Variants in PHC2 observed in about 807,000 individuals in gnomAD.
PHC2 encodes polyhomeotic-like protein 2.
PHC2 carries 29 observed loss-of-function variants against 87.4 expected under a neutral mutation model. The observed-to-expected ratio is 0.33, with a 90% CI of 0.25 to 0.45. The LOEUF (loss-of-function observed/expected upper bound fraction) is 0.45, where lower values mean the gene tolerates loss of function less well. Among genes scored for constraint, PHC2 ranks in the 20% least tolerant of loss-of-function variants. The probability of loss-of-function intolerance (pLI) is 1.00; values close to 1 mark genes in which losing one functional copy is unlikely to be tolerated. For synonymous variants in PHC2, 438 were observed against 461.7 expected (o/e 0.95, Z 0.66); for missense variants, 857 against 1,136.7 (o/e 0.75, Z 3.54).
intron 1 of PHC2, among the ~76,000 whole-genome samples, chr1:33,406,053 T>C (rs1456048017): frequency 6.6e-6 from 1 of 152,220 alleles, no homozygotes; most frequent in African/African-American, 2.4e-5. Flanking sequence ...CTGGGGCTTT[T>C]TGTCTGCTTT....
At chr1:33,347,346 A>G in intron 9 of PHC2, 3 of 985,450 alleles carry the variant, frequency 3.0e-6, no homozygotes, top group Non-Finnish European at 3.6e-6. Flanking sequence ...TGAGACCCAC[A>G]GCCAGGAGAA....
chr1:33,372,490 A>C (rs1647915448), intron 2 of PHC2, 43 bp from the exon 3 acceptor site: 1 of 1,473,900 alleles, frequency 6.8e-7, no homozygotes, highest in East Asian at 2.5e-5. Flanking sequence ...GGTAGCTGCC[A>C]CACAGAACAC....
chr1:33,346,568 G>A (rs1204783514), intron 9 of PHC2: 2 of 985,184 alleles, frequency 2.0e-6, no homozygotes, highest in East Asian at 2.3e-4. Flanking sequence ...ACTGACTCAA[G>A]AAGAGGGAAA....
chr1:33,357,533 T>C (rs964990534), intron 7 of PHC2, among the ~76,000 whole-genome samples: 3 of 152,224 alleles, frequency 2.0e-5, no homozygotes, highest in African/African-American at 7.2e-5. Flanking sequence ...GTATGGATGA[T>C]ACTGAATGAC....
chr1:33,332,041 A>G lies in PHC2; in HGVS notation c.1891+234T>C, dbSNP rs1232736770. ...GCCAATGATTCCCACAGGAAAAGCC[A>G]TTCTTGGGATCCTGTGGTTGGCTGG... On this transcript the variant is annotated intron_variant, in intron 11 of 14. Transcript: ENST00000683057. The surrounding 1 kb of genome is among the most constrained non-coding windows in gnomAD (Gnocchi z 4.2). 1.3e-5 allele frequency among the ~76,000 whole-genome samples: 2 copies of G among 152,218 alleles called. No homozygotes were observed. Among genetic ancestry groups the G allele is most frequent in the African/African-American group, 4.8e-5 (2 of 41,452 alleles).
At chr1:33,372,709 G>T (rs1439003231) in intron 2 of PHC2, among the ~76,000 whole-genome samples, 2 of 152,206 alleles carry the variant, frequency 1.3e-5, no homozygotes, top group East Asian at 3.8e-4. Flanking sequence ...TGCATCAACT[G>T]CCTCGGTGAG....
intron 9 of PHC2, among the ~76,000 whole-genome samples, chr1:33,337,369 G>T (rs545209249): frequency 1.3e-5 from 2 of 152,294 alleles, no homozygotes; most frequent in East Asian, 3.9e-4. Flanking sequence ...CCCAAAATCT[G>T]TCTTTCTATT....
chr1:33,386,093 G>A (rs920156722), intron 1 of PHC2, among the ~76,000 whole-genome samples: 7 of 151,722 alleles, frequency 4.6e-5, no homozygotes, highest in Admixed American at 1.3e-4. Flanking sequence ...CACTGTGCCC[G>A]GCCCAGAGTA....
chr1:33,353,869 T>G (rs1298484050), intron 9 of PHC2, among the ~76,000 whole-genome samples: 1 of 152,178 alleles, frequency 6.6e-6, no homozygotes, highest in Non-Finnish European at 1.5e-5. Context: ...CAGGGAGAAG[T>G]CCACTTGTAA....
chr1:33,405,768 T>C (rs1016232678), intron 1 of PHC2, among the ~76,000 whole-genome samples: 2 of 152,152 alleles, frequency 1.3e-5, no homozygotes, highest in Non-Finnish European at 2.9e-5. Context: ...GGATTATATA[T>C]GTGTACTGCT....
chr1:33,328,120 G>A (rs1276402847), intron 14 of PHC2, among the ~76,000 whole-genome samples: 1 of 152,166 alleles, frequency 6.6e-6, no homozygotes, highest in African/African-American at 2.4e-5. Flanking sequence ...GAGTGAGACT[G>A]GCAGAAAAAC....
intron 7 of PHC2, among the ~76,000 whole-genome samples, chr1:33,359,605 G>T (rs1647157827): frequency 6.6e-6 from 1 of 152,194 alleles, no homozygotes; most frequent in African/African-American, 2.4e-5. Flanking sequence ...CCCTAGAAGA[G>T]ATTACAGTTT....
In PHC2 at chr1:33,332,929, C is replaced by T. The variant is rs1471236336; in HGVS notation, c.1762-525G>A. Among the ~76,000 whole-genome samples, 1 of 152,194 alleles carries T rather than the reference C, an allele frequency of 6.6e-6. No individual in the cohort carries two copies. Among genetic ancestry groups the T allele is most frequent in the Non-Finnish European group, 1.5e-5 (1 of 68,030 alleles). On this transcript the variant is annotated intron_variant, in intron 10 of 14. Coordinates refer to ENST00000683057, the MANE Select transcript of PHC2 (RefSeq NM_001385109.1). This position sits in a 1 kb window ranked among gnomAD's most constrained non-coding sequence, Gnocchi z 4.2. ...CCCTGGGCCACAGAGCCAATGAACT[C>T]TCAGTTGTCAGAACCCCAGAGCAGC...
rs759415441 is a variant in PHC2 at position 33,354,423 on chromosome 1, G to A, written c.1536C>T (p.Asn512=). 1.4e-5 allele frequency: 22 copies of A among 1,613,600 alleles called. No homozygotes were observed. The African/African-American group carries it at 2.3e-4, about 17-fold the overall frequency. ...TACCGTGAGCTGGGGACGGCTGGAT[G>A]TTAGGGCTCGTGGGTACAGGCAGGC... ...PGGLPVPTSP[N]IQPSPAHETG... is the part of the protein sequence containing the mutation. The change falls in exon 9 of 15, where the codon AAC becomes AAT. Residue 512 remains asparagine, a synonymous_variant. Coordinates refer to ENST00000683057, the MANE Select transcript of PHC2 (RefSeq NM_001385109.1).
intron 9 of PHC2, chr1:33,347,039 T>G (rs1337817331): frequency 1.0e-6 from 1 of 985,270 alleles, no homozygotes. Flanking sequence ...CCTCTCCCCC[T>G]GAAAGATCAG....
intron 1 of PHC2, among the ~76,000 whole-genome samples, chr1:33,384,630 G>A (rs1648651266): frequency 6.6e-6 from 1 of 152,054 alleles, no homozygotes; most frequent in Admixed American, 6.6e-5. Flanking sequence ...CCTCTGCCTG[G>A]GCCACTCCCC....
intron 1 of PHC2, among the ~76,000 whole-genome samples, chr1:33,387,011 T>A (rs1648796281): frequency 6.6e-6 from 1 of 152,250 alleles, no homozygotes; most frequent in Admixed American, 6.5e-5. Context: ...TCCTGACAAG[T>A]ATGACTAGGC....
At chr1:33,346,905 T>G (rs1198913134) in intron 9 of PHC2, 2 of 985,324 alleles carry the variant, frequency 2.0e-6, no homozygotes, top group African/African-American at 3.5e-5. Flanking sequence ...ATAATCATGT[T>G]CTGTGTTTTT....
At chr1:33,413,897 G>A (rs1650087486) in intron 1 of PHC2, among the ~76,000 whole-genome samples, 1 of 152,146 alleles carries the variant, frequency 6.6e-6, no homozygotes. Context: ...ACTGCAAGAT[G>A]GATGACCCAA....
Sources: gnomAD v4.1 joint callset for allele counts (sites outside exome capture counted in the v4.1 genomes callset) on GRCh38, gnomAD v4.1.1 for gene constraint, Gnocchi (gnomAD v3.1) non-coding constraint, MANE v1.5 for transcripts, NCBI Gene and HGNC (gene_info 2026-07-23, HGNC 2026-07-21) for gene names.